SSBP2: variants seen among roughly 807,000 people sequenced by gnomAD.
SSBP2 encodes the protein single-stranded DNA-binding protein 2.
SSBP2 carries 17 observed loss-of-function variants against 61.8 expected under a neutral mutation model. The observed-to-expected ratio is 0.28, with a 90% CI of 0.19 to 0.41. SSBP2 has a LOEUF of 0.41. Among genes scored for constraint, SSBP2 ranks in the 10% least tolerant of loss-of-function variants. The pLI is 1.00. For synonymous variants in SSBP2, 139 were observed against 141.3 expected (o/e 0.98, Z 0.12); for missense variants, 310 against 458.7 (o/e 0.68, Z 2.96).
At chr5:81,673,909 A>G (rs1013500881) in intron 1 of SSBP2, among the ~76,000 whole-genome samples, 8 of 152,230 alleles carry the variant, frequency 5.3e-5, no homozygotes, top group African/African-American at 1.7e-4. Context: ...GTTGGGATAT[A>G]GAAGTGTCCA....
chr5:81,635,059 G>C (rs924184307), intron 3 of SSBP2, among the ~76,000 whole-genome samples: 3 of 152,312 alleles, frequency 2.0e-5, no homozygotes, highest in Non-Finnish European at 1.5e-5. Flanking sequence ...GCCCATACAA[G>C]ACACTGAGTA....
At chr5:81,667,784 C>T (rs1751271847) in intron 1 of SSBP2, among the ~76,000 whole-genome samples, 1 of 151,970 alleles carries the variant, frequency 6.6e-6, no homozygotes, top group Non-Finnish European at 1.5e-5. Flanking sequence ...AAAGAAACAC[C>T]AATATAATAA....
At chr5:81,654,790 A>G (rs1192141575) in intron 1 of SSBP2, among the ~76,000 whole-genome samples, 1 of 152,132 alleles carries the variant, frequency 6.6e-6, no homozygotes, top group Non-Finnish European at 1.5e-5. Context: ...ATGCAGGTAA[A>G]TCACAGCTTG....
chr5:81,678,844 A>G (rs1752182253), intron 1 of SSBP2, among the ~76,000 whole-genome samples: 1 of 152,180 alleles, frequency 6.6e-6, no homozygotes, highest in Non-Finnish European at 1.5e-5. Context: ...AGTGAAATAA[A>G]GACCCATAAA....
At chr5:81,735,745 ACT>A in intron 1 of SSBP2, among the ~76,000 whole-genome samples, 1 of 152,336 alleles carries the variant, frequency 6.6e-6, no homozygotes, top group East Asian at 1.9e-4. Context: ...ACAAATGATA[ACT>A]CACAACATTT....
intron 2 of SSBP2, among the ~76,000 whole-genome samples, chr5:81,641,154 G>GCCCCTCATCCTTACTAAGCAGCCT (rs1748748082): frequency 6.6e-6 from 1 of 152,068 alleles, no homozygotes; most frequent in African/African-American, 2.4e-5. Context: ...GAGACCCACT[G>GCCCCTCATCCTTACTAAGCAGCCT]CCCCTCATCC....
chr5:81,519,987 CT>C lies in SSBP2; in HGVS notation c.283-6271del, dbSNP rs1229781805. On this transcript the variant is annotated intron_variant, in intron 4 of 16. Coordinates refer to ENST00000320672, the MANE Select transcript of SSBP2 (RefSeq NM_012446.5). ...ATTAAATTAGTAGCTATTTTCCCCC[CT>C]CTTTTTTTTTTTTTGAGATGGAGTC... Among the ~76,000 whole-genome samples the C allele has an allele frequency of 2.9e-3, 437 of 150,202 alleles. 2 individuals carry two copies. The highest frequency in any genetic ancestry group is 0.011 in the African/African-American group (428 of 40,632).
At chr5:81,598,893 C>T (rs1041344883) in intron 4 of SSBP2, among the ~76,000 whole-genome samples, 5 of 152,174 alleles carry the variant, frequency 3.3e-5, no homozygotes, top group African/African-American at 2.4e-5. Flanking sequence ...CCCAGATATG[C>T]TTCCCTCTGG....
chr5:81,623,975 C>G (rs1300019226), intron 3 of SSBP2, among the ~76,000 whole-genome samples: 1 of 152,004 alleles, frequency 6.6e-6, no homozygotes, highest in Non-Finnish European at 1.5e-5. Flanking sequence ...AGAAATAGAG[C>G]CTTTAAAAAC....
At chr5:81,725,182 G>C (rs1429862431) in intron 1 of SSBP2, among the ~76,000 whole-genome samples, 2 of 152,240 alleles carry the variant, frequency 1.3e-5, no homozygotes, top group African/African-American at 4.8e-5. Flanking sequence ...AGTGAGCCAC[G>C]TGAATAAGGG....
At chr5:81,524,310 T>C (rs956094132) in intron 4 of SSBP2, among the ~76,000 whole-genome samples, 2 of 152,024 alleles carry the variant, frequency 1.3e-5, no homozygotes, top group African/African-American at 4.8e-5. Flanking sequence ...TGAAAGTGAA[T>C]TCTTCTCAGA....
chr5:81,595,280 G>T (rs1237175734), intron 4 of SSBP2, among the ~76,000 whole-genome samples: 1 of 152,102 alleles, frequency 6.6e-6, no homozygotes, highest in Non-Finnish European at 1.5e-5. Flanking sequence ...ACTCTCCCAA[G>T]ACTAAACCAG....
chr5:81,476,266 T>C (rs1765583816), intron 6 of SSBP2, among the ~76,000 whole-genome samples: 1 of 152,102 alleles, frequency 6.6e-6, no homozygotes, highest in Non-Finnish European at 1.5e-5. Context: ...AACACTACCA[T>C]CCAAGTCCAA....
At chr5:81,445,138 T>TTATATA (rs1160080305) in intron 12 of SSBP2, among the ~76,000 whole-genome samples, 1,547 of 33,496 alleles carry the variant, frequency 0.046, 112 homozygotes, top group East Asian at 0.062. Context: ...AAAAAAAATT[T>TTATATA]TATATATATA....
At chr5:81,592,252 A>C (rs867609175) in intron 4 of SSBP2, among the ~76,000 whole-genome samples, 1 of 152,232 alleles carries the variant, frequency 6.6e-6, no homozygotes, top group African/African-American at 2.4e-5. Flanking sequence ...ACAGCAGTCC[A>C]AGATCAAACT....
chr5:81,717,107 T>C (rs1273128688), intron 1 of SSBP2, among the ~76,000 whole-genome samples: 1 of 152,202 alleles, frequency 6.6e-6, no homozygotes, highest in Non-Finnish European at 1.5e-5. Flanking sequence ...TTGATGGGTC[T>C]TCTCCCAATC....
intron 4 of SSBP2, among the ~76,000 whole-genome samples, chr5:81,604,814 A>G (rs1370616366): frequency 1.3e-5 from 2 of 152,162 alleles, no homozygotes; most frequent in African/African-American, 2.4e-5. Flanking sequence ...GTTTCAATTC[A>G]TAATACAAAA....
chr5:81,486,108 A>G (rs1766361356), intron 6 of SSBP2, among the ~76,000 whole-genome samples: 1 of 152,142 alleles, frequency 6.6e-6, no homozygotes, highest in Admixed American at 6.6e-5. Flanking sequence ...GAATGGACAA[A>G]AAGAATCCCT....
intron 4 of SSBP2, among the ~76,000 whole-genome samples, chr5:81,611,729 G>A (rs372792500): frequency 6.6e-6 from 1 of 151,986 alleles, no homozygotes; most frequent in African/African-American, 2.4e-5. Flanking sequence ...GGGTGCTTAT[G>A]ATGTTTAAAA....
Sources: allele counts gnomAD v4.1 joint callset (sites outside exome capture counted in the v4.1 genomes callset), GRCh38; gene constraint gnomAD v4.1.1; transcripts MANE v1.5; gene names NCBI Gene and HGNC (gene_info 2026-07-23, HGNC 2026-07-21).